The following GPC6 variants were observed in gnomAD, a reference collection of about 807,000 sequenced individuals.
The protein encoded by GPC6 is glypican-6.
Under a neutral mutation model 55.2 loss-of-function variants are expected in GPC6, and 14 were observed. The observed-to-expected ratio is 0.25, with a 90% CI of 0.17 to 0.40. GPC6 has a LOEUF of 0.40. GPC6 is among the 10% of genes least tolerant of loss of function. The probability of loss-of-function intolerance (pLI) is 1.00; values close to 1 mark genes in which losing one functional copy is unlikely to be tolerated. For missense variants in GPC6, 641 were observed against 708.5 expected (o/e 0.90, Z 1.08); for synonymous variants, 278 against 259.6 (o/e 1.07, Z -0.68).
intron 2 of GPC6, among the ~76,000 whole-genome samples, chr13:93,675,871 A>T (rs1304040328): frequency 6.6e-6 from 1 of 151,982 alleles, no homozygotes; most frequent in African/African-American, 2.4e-5. Context: ...GATGTGAGAG[A>T]TGTTGAGTAA....
intron 2 of GPC6, among the ~76,000 whole-genome samples, chr13:93,794,341 A>T (rs1190147894): frequency 6.6e-6 from 1 of 152,218 alleles, no homozygotes; most frequent in Non-Finnish European, 1.5e-5. Context: ...CTCAGGTCCC[A>T]CCACAGATAC....
intron 4 of GPC6, among the ~76,000 whole-genome samples, chr13:94,081,758 A>G (rs919436654): frequency 2.6e-5 from 4 of 152,010 alleles, no homozygotes; most frequent in Non-Finnish European, 5.9e-5. Context: ...TGTACAGTAA[A>G]TGGCTCCCAA....
chr13:93,810,696 T>G (rs1296472304), intron 2 of GPC6, among the ~76,000 whole-genome samples: 3 of 152,210 alleles, frequency 2.0e-5, no homozygotes, highest in Non-Finnish European at 4.4e-5. Flanking sequence ...GCCCAAAGTC[T>G]AAAGCCAAGT....
chr13:93,752,952 C>T (rs945044074), intron 2 of GPC6, among the ~76,000 whole-genome samples: 1 of 152,160 alleles, frequency 6.6e-6, no homozygotes, highest in Non-Finnish European at 1.5e-5. Context: ...CCAACAGTCT[C>T]CCCTTTACAT....
At chr13:94,155,672 A>G (rs1887906357) in intron 4 of GPC6, among the ~76,000 whole-genome samples, 1 of 152,152 alleles carries the variant, frequency 6.6e-6, no homozygotes. Flanking sequence ...ATAAGAGGAT[A>G]ACTCTTCTGA....
At chr13:93,889,071 T>A (rs1875508519) in intron 3 of GPC6, among the ~76,000 whole-genome samples, 1 of 152,138 alleles carries the variant, frequency 6.6e-6, no homozygotes, top group Admixed American at 6.6e-5. Flanking sequence ...ATTATGATAT[T>A]CATTTTCTTG....
chr13:94,038,598 A>G (rs981628415), intron 4 of GPC6, among the ~76,000 whole-genome samples: 1 of 151,918 alleles, frequency 6.6e-6, no homozygotes, highest in African/African-American at 2.4e-5. Flanking sequence ...ACCTGCATAA[A>G]TCTCAGTTTT....
At chr13:93,509,664 C>G (rs1481112264) in intron 1 of GPC6, among the ~76,000 whole-genome samples, 2 of 152,184 alleles carry the variant, frequency 1.3e-5, no homozygotes, top group Non-Finnish European at 2.9e-5. Context: ...AACATGAGAG[C>G]CCTCACCGAG....
At chr13:93,619,375 A>G (rs928806316) in intron 2 of GPC6, among the ~76,000 whole-genome samples, 2 of 152,182 alleles carry the variant, frequency 1.3e-5, no homozygotes, top group African/African-American at 4.8e-5. Context: ...GAACTGTTTC[A>G]CAGCTGTAAA....
chr13:93,914,132 T>C (rs549156619), intron 3 of GPC6, among the ~76,000 whole-genome samples: 64 of 152,298 alleles, frequency 4.2e-4, no homozygotes, highest in Non-Finnish European at 7.6e-4. Context: ...TAGTTACATA[T>C]GTATACATGT....
intron 1 of GPC6, among the ~76,000 whole-genome samples, chr13:93,495,879 G>A (rs997785241): frequency 1.2e-4 from 18 of 147,570 alleles, no homozygotes; most frequent in African/African-American, 3.5e-4. Flanking sequence ...CAGTCTGCCC[G>A]TTCTCAGATC....
chr13:93,300,419 C>T (rs571651664), intron 1 of GPC6, among the ~76,000 whole-genome samples: 27 of 151,934 alleles, frequency 1.8e-4, no homozygotes, highest in African/African-American at 4.3e-4. Context: ...GAGGCCGAGG[C>T]GGGCGGATCA....
intron 2 of GPC6, among the ~76,000 whole-genome samples, chr13:93,582,876 C>T (rs1478541610): frequency 6.6e-6 from 1 of 152,170 alleles, no homozygotes; most frequent in East Asian, 1.9e-4. Context: ...CCAGAGAAGG[C>T]CCCAAGCTTA....
chr13:93,390,179 T>G (rs1378585803), intron 1 of GPC6, among the ~76,000 whole-genome samples: 6 of 152,094 alleles, frequency 3.9e-5, no homozygotes, highest in African/African-American at 1.2e-4. Context: ...TTCTGTTTTT[T>G]TTTTTTCTTT....
intron 2 of GPC6, among the ~76,000 whole-genome samples, chr13:93,685,268 C>T (rs1424210514): frequency 6.6e-6 from 1 of 152,162 alleles, no homozygotes; most frequent in Non-Finnish European, 1.5e-5. Flanking sequence ...TTCCAGGTAG[C>T]AGTGTCAGAT....
chr13:93,881,111 A>G (rs995810444), intron 3 of GPC6, among the ~76,000 whole-genome samples: 3 of 152,010 alleles, frequency 2.0e-5, no homozygotes, highest in Non-Finnish European at 4.4e-5. Context: ...GATTTAATCT[A>G]ATGGTGATGC....
intron 2 of GPC6, among the ~76,000 whole-genome samples, chr13:93,805,790 C>G (rs9524227): frequency 0.38 from 57,747 of 152,074 alleles, 11,934 homozygotes; most frequent in African/African-American, 0.54. Flanking sequence ...CCCAGTATTT[C>G]AGCTGCTGGT....
At chr13:94,297,385 C>T (rs551904546) in intron 5 of GPC6, among the ~76,000 whole-genome samples, 1 of 152,102 alleles carries the variant, frequency 6.6e-6, no homozygotes, top group Non-Finnish European at 1.5e-5. Flanking sequence ...CTGCTTTAAA[C>T]CTTACAAGCA....
At chr13:93,487,219 A>T (rs527981639) in intron 1 of GPC6, among the ~76,000 whole-genome samples, 40 of 152,268 alleles carry the variant, frequency 2.6e-4, no homozygotes, top group African/African-American at 8.7e-4. Context: ...TTAAATTTTT[A>T]AATTTTTTTT....
Sources: gnomAD v4.1 joint callset for allele counts (sites outside exome capture counted in the v4.1 genomes callset) on GRCh38, gnomAD v4.1.1 for gene constraint, MANE v1.5 for transcripts, NCBI Gene and HGNC (gene_info 2026-07-23, HGNC 2026-07-21) for gene names.